ADGB: variants seen among roughly 807,000 people sequenced by gnomAD.
ADGB encodes the protein calpain-7-like protein.
Under a neutral mutation model 210.5 loss-of-function variants are expected in ADGB, and 172 were observed. The ratio of observed to expected loss-of-function variants is 0.82; its 90% CI spans 0.72 to 0.93. ADGB has a LOEUF of 0.93. ADGB is among the 40% of genes least tolerant of loss of function. The pLI is 0.00. For synonymous variants in ADGB, 658 were observed against 662.7 expected (o/e 0.99, Z 0.11); for missense variants, 2,025 against 1,964.8 (o/e 1.03, Z -0.58).
chr6:146,771,395 G>C (rs987277582), intron 29 of ADGB, among the ~76,000 whole-genome samples: 1 of 151,946 alleles, frequency 6.6e-6, no homozygotes, highest in African/African-American at 2.4e-5. Context: ...AAAAAAATCA[G>C]TTGTTTATGT....
chr6:146,620,159 C>T (rs1780867512), intron 1 of ADGB, among the ~76,000 whole-genome samples: 1 of 152,102 alleles, frequency 6.6e-6, no homozygotes, highest in African/African-American at 2.4e-5. Flanking sequence ...ATTGGGACTC[C>T]ATTGAATGTG....
chr6:146,625,241 G>T (rs1484668827), intron 1 of ADGB, among the ~76,000 whole-genome samples: 2 of 151,998 alleles, frequency 1.3e-5, no homozygotes, highest in Non-Finnish European at 2.9e-5. Flanking sequence ...GTGTTAAGAA[G>T]CTCTGTTATT....
intron 35 of ADGB, among the ~76,000 whole-genome samples, 163 bp downstream of exon 35, chr6:146,802,174 C>T (rs770724866): frequency 1.3e-5 from 2 of 152,170 alleles, no homozygotes; most frequent in Non-Finnish European, 2.9e-5. Context: ...TGATTCTACA[C>T]ATCTCATCTC....
At chr6:146,788,279 T>G (rs1777906609) in intron 32 of ADGB, 110 bp from the exon 33 acceptor site, 2 of 999,502 alleles carry the variant, frequency 2.0e-6, no homozygotes, top group Non-Finnish European at 3.0e-6. Flanking sequence ...GTTATAGAGC[T>G]TTTGAGTCAT....
chr6:146,784,207 A>G (rs1018584945), intron 30 of ADGB, among the ~76,000 whole-genome samples: 45 of 152,168 alleles, frequency 3.0e-4, no homozygotes, highest in African/African-American at 1.0e-3. Context: ...TCCTGGTAAC[A>G]ACTGATCTTT....
chr6:146,648,642 A>G (rs1440802415), intron 3 of ADGB, among the ~76,000 whole-genome samples: 2 of 152,114 alleles, frequency 1.3e-5, no homozygotes, highest in Non-Finnish European at 2.9e-5. Context: ...ATCTGCCCCC[A>G]TGATCCAATC....
intron 9 of ADGB, among the ~76,000 whole-genome samples, chr6:146,677,982 T>C (rs1583586253): frequency 6.6e-6 from 1 of 152,212 alleles, no homozygotes; most frequent in African/African-American, 2.4e-5. Context: ...AAAGATACAG[T>C]GTTAGAATGA....
chr6:146,640,234 C>T (rs1007673528), intron 2 of ADGB, among the ~76,000 whole-genome samples: 2 of 151,878 alleles, frequency 1.3e-5, no homozygotes, highest in Non-Finnish European at 2.9e-5. Context: ...CCTGAACAGA[C>T]CAATAACAAG....
chr6:146,636,030 T>C (rs921085177), intron 2 of ADGB, among the ~76,000 whole-genome samples: 8 of 152,104 alleles, frequency 5.3e-5, no homozygotes, highest in East Asian at 1.9e-4. Flanking sequence ...GTTTACTTTT[T>C]GTCACATAAA....
intron 12 of ADGB, among the ~76,000 whole-genome samples, chr6:146,695,518 G>A (rs1406394326): frequency 1.3e-5 from 2 of 151,856 alleles, no homozygotes; most frequent in African/African-American, 2.4e-5. Flanking sequence ...ATATTTTGAA[G>A]CACCTAAGTT....
chr6:146,765,216 A>C (rs1427302871), intron 28 of ADGB, among the ~76,000 whole-genome samples: 1 of 152,172 alleles, frequency 6.6e-6, no homozygotes, highest in African/African-American at 2.4e-5. Flanking sequence ...AATAAATAAA[A>C]AGCAATAACT....
chr6:146,784,173 A>G (rs527928332), intron 30 of ADGB, among the ~76,000 whole-genome samples: 7 of 152,116 alleles, frequency 4.6e-5, no homozygotes, highest in Non-Finnish European at 7.4e-5. Flanking sequence ...TTTGCATTCA[A>G]TTTTCTAATT....
intron 33 of ADGB, 96 bp from the exon 34 acceptor site, chr6:146,801,087 G>A: frequency 1.9e-6 from 1 of 529,568 alleles, no homozygotes; most frequent in East Asian, 3.5e-5. Context: ...ATTTTCTGTT[G>A]AAAAACAACC....
chr6:146,741,485 T>C (rs1777163465), intron 25 of ADGB, among the ~76,000 whole-genome samples: 1 of 152,198 alleles, frequency 6.6e-6, no homozygotes. Flanking sequence ...CTCTTTCTTC[T>C]TCTTCCGAAA....
intron 26 of ADGB, among the ~76,000 whole-genome samples, chr6:146,750,357 A>T (rs1777301979): frequency 1.3e-5 from 2 of 152,096 alleles, no homozygotes; most frequent in Non-Finnish European, 2.9e-5. Flanking sequence ...CAGGAGTTTA[A>T]GAACAGCCTG....
intron 12 of ADGB, among the ~76,000 whole-genome samples, chr6:146,697,893 A>G (rs1776430639): frequency 6.6e-6 from 1 of 152,204 alleles, no homozygotes; most frequent in South Asian, 2.1e-4. Context: ...TAATGCAATA[A>G]AAGTGAAATA....
At chr6:146,708,445 T>C (rs1469972928) in intron 13 of ADGB, among the ~76,000 whole-genome samples, 2 of 152,078 alleles carry the variant, frequency 1.3e-5, no homozygotes, top group Non-Finnish European at 2.9e-5. Flanking sequence ...TTTGGGAAAG[T>C]TTTTATCTCC....
At chr6:146,784,561 C>G (rs995940275) in intron 30 of ADGB, 57 bp from the exon 31 acceptor site, 1 of 1,344,806 alleles carries the variant, frequency 7.4e-7, no homozygotes. Context: ...ATGGTAAAAT[C>G]TAGACCCTTT....
At chr6:146,708,819 G>T (rs1776615983) in intron 13 of ADGB, among the ~76,000 whole-genome samples, 2 of 149,986 alleles carry the variant, frequency 1.3e-5, no homozygotes, top group Admixed American at 6.6e-5. Flanking sequence ...TCTCTCTTTT[G>T]TCTTTTGTGA....
Sources: gnomAD v4.1 joint callset for allele counts (sites outside exome capture counted in the v4.1 genomes callset) on GRCh38, gnomAD v4.1.1 for gene constraint, MANE v1.5 for transcripts, NCBI Gene and HGNC (gene_info 2026-07-23, HGNC 2026-07-21) for gene names.